GABBR1: variants seen among roughly 807,000 people sequenced by gnomAD.
The protein encoded by GABBR1 is gamma-aminobutyric acid type B receptor subunit 1, also known as GABA-B receptor, R1 subunit.
Under a neutral mutation model 117.7 loss-of-function variants are expected in GABBR1, and 35 were observed. That is an observed-to-expected ratio of 0.30 (90% CI 0.23 to 0.39). The LOEUF is 0.39. Among genes scored for constraint, GABBR1 ranks in the 10% least tolerant of loss-of-function variants. The pLI is 1.00. For missense variants in GABBR1, 709 were observed against 1,241.8 expected (o/e 0.57, Z 6.45); for synonymous variants, 442 against 486.6 (o/e 0.91, Z 1.21).
Position 29,632,742 on chromosome 6 carries a change from TC to T in GABBR1, c.-1+107del. 3.4e-6 allele frequency: 4 copies of T among 1,171,318 alleles called. No homozygotes were observed. The highest frequency in any genetic ancestry group is 6.7e-5 in the East Asian group (1 of 14,874). The allele number at this position is 1,171,318 out of a possible 1,614,324, so 72.6% of individuals were successfully genotyped here. On this transcript the variant is annotated intron_variant, in intron 1 of 22. Transcript: ENST00000377034. The surrounding 1 kb of genome is among the most constrained non-coding windows in gnomAD (Gnocchi z 5.8). ...GATTCCATCCCCGCGGTTCCTCCTC[TC>T]CCCCAGCCCCGCTTCCCCCAGCTGG...
At position 29,627,413 on chromosome 6, in the gene GABBR1, G is replaced by C; in HGVS notation, c.657+73C>G. ...ATCCCAGAGACGACTCAGACAGATG[G>C]GGGCGCGTGCAGCTGGCTGGCCCCC... On this transcript the variant is annotated intron_variant, in intron 6 of 22. Transcript: ENST00000377034. The surrounding 1 kb of genome is among the most constrained non-coding windows in gnomAD (Gnocchi z 4.4). 2.1e-6 allele frequency: 3 copies of C among 1,444,510 alleles called. No homozygotes were observed. Among genetic ancestry groups the C allele is most frequent in the Non-Finnish European group, 9.4e-7 (1 of 1,062,064 alleles). The allele number at this position is 1,444,510 out of a possible 1,614,324, so 89.5% of individuals were successfully genotyped here.
In GABBR1 at chr6:29,630,663, T is replaced by C; in HGVS notation, c.290-20A>G. ...TTCGGACTGTGGAGAGATAGGAAAA[T>C]AAGAAGAGAGGCGAGTTGAAGAAGG... On this transcript the variant is annotated intron_variant, in intron 3 of 22. Transcript: ENST00000377034. The surrounding 1 kb of genome is among the most constrained non-coding windows in gnomAD (Gnocchi z 4.9). The C allele has an allele frequency of 6.3e-7, 1 of 1,592,632 alleles. No homozygotes were observed. Among genetic ancestry groups the C allele is most frequent in the South Asian group, 1.1e-5 (1 of 90,724 alleles).
At position 29,602,896 on chromosome 6, in the gene GABBR1, G is replaced by A. The variant is rs1287909676; in HGVS notation, c.*647C>T. The stretch of plus-strand genomic sequence containing the variant: ...AACATGAAGAAAGCATACGGGAAAA[G>A]CGTGTGTACACATGAGCATGTTCAG... On this transcript the variant is annotated 3_prime_UTR_variant, in exon 23 of 23. Transcript: ENST00000377034. The A allele has an allele frequency of 1.5e-5, 6 of 399,720 alleles. No homozygotes were observed. Among genetic ancestry groups the A allele is most frequent in the Non-Finnish European group, 3.0e-5 (6 of 202,472 alleles). The allele number at this position is 399,720 out of a possible 1,614,324, so 24.8% of individuals were successfully genotyped here.
intron 6 of GABBR1, among the ~76,000 whole-genome samples, chr6:29,626,305 T>C (rs1017064609): frequency 6.6e-6 from 1 of 152,124 alleles, no homozygotes; most frequent in Non-Finnish European, 1.5e-5. Flanking sequence ...TAAAAATGAA[T>C]ATAAATCCTT....
chr6:29,623,206 G>T lies in GABBR1; in HGVS notation c.963+99C>A. ...ATGGAATGCGTTCTCTTTCAATGAA[G>T]AATCAAGTTCTTGCCCCTAAAAGTG... On this transcript the variant is annotated intron_variant, in intron 8 of 22. Transcript: ENST00000377034. The surrounding 1 kb of genome is among the most constrained non-coding windows in gnomAD (Gnocchi z 6.2). 9.4e-7 allele frequency: 1 copy of T among 1,059,280 alleles called. No homozygotes were observed. The highest frequency in any genetic ancestry group is 1.7e-5 in the South Asian group (1 of 60,142). 65.6% of individuals were successfully genotyped at this position (1,059,280 alleles called of 1,614,324 possible).
At position 29,630,372 on chromosome 6, in the gene GABBR1, A is replaced by C; in HGVS notation, c.475+86T>G. ...CTCCCCCACATTTTTATAGCTCTCC[A>C]TTCTTTCCCATTATCCATTCCCACC... On this transcript the variant is annotated intron_variant, in intron 4 of 22. Transcript: ENST00000377034. This position sits in a 1 kb window ranked among gnomAD's most constrained non-coding sequence, Gnocchi z 4.9. The C allele has an allele frequency of 8.1e-7, 1 of 1,229,842 alleles. No individual in the cohort carries two copies. The highest frequency in any genetic ancestry group is 1.2e-6 in the Non-Finnish European group (1 of 855,568). 76.2% of individuals were successfully genotyped at this position (1,229,842 alleles called of 1,614,324 possible).
At position 29,606,519 on chromosome 6, in the gene GABBR1, G is replaced by GTGA; in HGVS notation, c.2218-36_2218-35insTCA. 7.0e-7 allele frequency: 1 copy of GTGA among 1,435,994 alleles called. No individual in the cohort carries two copies. Among genetic ancestry groups the GTGA allele is most frequent in the Admixed American group, 1.7e-5 (1 of 59,776 alleles). 89.0% of individuals were successfully genotyped at this position (1,435,994 alleles called of 1,614,324 possible). A position where few individuals can be genotyped will look rare whatever the true frequency, so the allele number is the denominator to read the frequency against. ...AAACAAGGTCACAAGAAAGATGGTT[G>GTGA]CCAGCCTCCCCTCCTCTCCTCAACG... On this transcript the variant is annotated intron_variant, in intron 18 of 22. Transcript: ENST00000377034. The surrounding 1 kb of genome is among the most constrained non-coding windows in gnomAD (Gnocchi z 4.5).
intron 11 of GABBR1, among the ~76,000 whole-genome samples, chr6:29,619,064 C>T (rs758592909): frequency 2.0e-5 from 3 of 152,198 alleles, no homozygotes; most frequent in Non-Finnish European, 4.4e-5. Context: ...TTCTCAGGCC[C>T]TAGCCCAGAT....
Position 29,630,731 on chromosome 6 carries a change from G to T in GABBR1, c.290-88C>A. 1.8e-6 allele frequency: 2 copies of T among 1,105,618 alleles called. No homozygotes were observed. Among genetic ancestry groups the T allele is most frequent in the Non-Finnish European group, 2.6e-6 (2 of 766,904 alleles). 68.5% of individuals were successfully genotyped at this position (1,105,618 alleles called of 1,614,324 possible). On this transcript the variant is annotated intron_variant, in intron 3 of 22. Transcript: ENST00000377034. The surrounding 1 kb of genome is among the most constrained non-coding windows in gnomAD (Gnocchi z 4.9). ...GCAGGGGACTCAGGTGCAGGTTTGGGTCCACAAGCATCCTGCTCTAAAGAA... is the reference window on the plus strand; with the variant it reads ...GCAGGGGACTCAGGTGCAGGTTTGGTTCCACAAGCATCCTGCTCTAAAGAA...
chr6:29,608,844 G>A, intron 15 of GABBR1, 111 bp from the exon 16 acceptor site: 2 of 1,207,398 alleles, frequency 1.7e-6, no homozygotes, highest in Non-Finnish European at 2.3e-6. Flanking sequence ...CAGGGCCAGG[G>A]GCTAAAGGAA....
At chr6:29,626,965 T>C (rs1764339039) in intron 6 of GABBR1, among the ~76,000 whole-genome samples, 1 of 152,134 alleles carries the variant, frequency 6.6e-6, no homozygotes, top group Non-Finnish European at 1.5e-5. Context: ...ACCACTACCT[T>C]GCTGTTTTGT....
intron 11 of GABBR1, among the ~76,000 whole-genome samples, chr6:29,615,050 C>T (rs1762935110): frequency 6.7e-6 from 1 of 148,246 alleles, no homozygotes; most frequent in Non-Finnish European, 1.5e-5. Flanking sequence ...CTTTGGGAGG[C>T]CAAGGTAAGC....
rs1247967850 is a variant in GABBR1, at chr6:29,632,138, CAGA to C, written c.85+160_85+162del. Among the ~76,000 whole-genome samples, 1 of 151,864 alleles carries C rather than the reference CAGA, an allele frequency of 6.6e-6. No homozygotes were observed. The highest frequency in any genetic ancestry group is 1.9e-4 in the East Asian group (1 of 5,162). The stretch of plus-strand genomic sequence containing the variant: ...GGTGCTGGATAGTAACGTGGGGTGA[CAGA>C]AGGAGGTCAGCAGTAGTAAAGTCGG... On this transcript the variant is annotated intron_variant, in intron 2 of 22. Coordinates refer to ENST00000377034, the MANE Select transcript of GABBR1 (RefSeq NM_001470.4). The surrounding 1 kb of genome is among the most constrained non-coding windows in gnomAD (Gnocchi z 5.8).
Position 29,632,701 on chromosome 6 carries a change from C to A in GABBR1, c.-1+149G>T, listed in dbSNP as rs1765135285. ...GCTTACCCACGCTCCCGGCATCGGCCGCCTCAGCGCTCCCCGATTCCATCC... is the reference window on the plus strand; with the variant it reads ...GCTTACCCACGCTCCCGGCATCGGCAGCCTCAGCGCTCCCCGATTCCATCC... On this transcript the variant is annotated intron_variant, in intron 1 of 22. Transcript: ENST00000377034. This position sits in a 1 kb window ranked among gnomAD's most constrained non-coding sequence, Gnocchi z 5.8. The A allele has an allele frequency of 2.9e-6, 4 of 1,401,074 alleles. No homozygotes were observed. The highest frequency in any genetic ancestry group is 3.0e-5 in the African/African-American group (2 of 66,822). The allele number at this position is 1,401,074 out of a possible 1,614,324, so 86.8% of individuals were successfully genotyped here.
Position 29,607,150 on chromosome 6 carries a change from C to G in GABBR1, c.2061G>C (p.Trp687Cys). The G allele has an allele frequency of 6.2e-7, 1 of 1,614,130 alleles. No individual in the cohort carries two copies. Among genetic ancestry groups the G allele is most frequent in the Non-Finnish European group, 8.5e-7 (1 of 1,180,032 alleles). ...CCTTCTTTGTGAAGACCGTGTGGACCCACCAAATCTTGGTGAACATGGAAC... is the reference window on the plus strand; with the variant it reads ...CCTTCTTTGTGAAGACCGTGTGGACGCACCAAATCTTGGTGAACATGGAAC... ...GYGSMFTKIW[W>C]VHTVFTKKEE... Residue 687 changes from tryptophan to cysteine, a missense_variant, in exon 17 of 23, where the codon TGG becomes TGC. Physicochemically the swap from Trp to Cys is radical, Grantham distance 215. Coordinates refer to ENST00000377034, the MANE Select transcript of GABBR1 (RefSeq NM_001470.4). The surrounding 1 kb of genome is among the most constrained non-coding windows in gnomAD (Gnocchi z 5.0).
At position 29,627,800 on chromosome 6, in the gene GABBR1, G is replaced by A. The variant is rs1583016548; in HGVS notation, c.497-154C>T. On this transcript the variant is annotated intron_variant, in intron 5 of 22. Transcript: ENST00000377034. This position sits in a 1 kb window ranked among gnomAD's most constrained non-coding sequence, Gnocchi z 4.4. ...GGGGCCCCGGGCCCCATGGCGTGGG[G>A]GGCAGGGGTAGCTGTTGGGGAGCGT... The A allele has an allele frequency of 6.9e-7, 1 of 1,439,358 alleles. No individual in the cohort carries two copies. The highest frequency in any genetic ancestry group is 1.9e-4 in the Middle Eastern group (1 of 5,270). The allele number at this position is 1,439,358 out of a possible 1,614,324, so 89.2% of individuals were successfully genotyped here. A position where few individuals can be genotyped will look rare whatever the true frequency, so the allele number is the denominator to read the frequency against.
Position 29,621,708 on chromosome 6 carries a change from G to A in GABBR1, c.1131+44C>T, listed in dbSNP as rs749193054. On this transcript the variant is annotated intron_variant, in intron 10 of 22. Transcript: ENST00000377034. This position sits in a 1 kb window ranked among gnomAD's most constrained non-coding sequence, Gnocchi z 5.0. ...AGGAGGCCCCACAAGAAAACCAAGGGAAACTCCCACCCAGTGCCCCTCCCT... is the reference window on the plus strand; with the variant it reads ...AGGAGGCCCCACAAGAAAACCAAGGAAAACTCCCACCCAGTGCCCCTCCCT... 1 of 1,574,702 alleles carries A rather than the reference G, an allele frequency of 6.4e-7. No homozygotes were observed. The highest frequency in any genetic ancestry group is 1.3e-5 in the African/African-American group (1 of 74,128).
chr6:29,604,387 C>T lies in GABBR1; in HGVS notation c.2712+107G>A. ...TCTCCTAGGACCCTCCCTCCATGAG[C>T]CAAGAACATCTGACCCTGTATCTCA... On this transcript the variant is annotated intron_variant, in intron 22 of 22. Transcript: ENST00000377034. The surrounding 1 kb of genome is among the most constrained non-coding windows in gnomAD (Gnocchi z 5.3). The T allele has an allele frequency of 7.1e-7, 1 of 1,415,474 alleles. No individual in the cohort carries two copies. The highest frequency in any genetic ancestry group is 2.3e-5 in the East Asian group (1 of 43,824). 87.7% of individuals were successfully genotyped at this position (1,415,474 alleles called of 1,614,324 possible).
At chr6:29,628,922 A>T in intron 5 of GABBR1, among the ~76,000 whole-genome samples, 165 bp downstream of exon 5, 1 of 149,284 alleles carries the variant, frequency 6.7e-6, no homozygotes, top group East Asian at 2.0e-4. Context: ...GACTGGAGGC[A>T]GGAAACAGGT....
Sources: allele counts gnomAD v4.1 joint callset (sites outside exome capture counted in the v4.1 genomes callset), GRCh38; gene constraint gnomAD v4.1.1; non-coding constraint Gnocchi (gnomAD v3.1); transcripts MANE v1.5; gene names NCBI Gene and HGNC (gene_info 2026-07-23, HGNC 2026-07-21).